The following LRMDA variants were observed in gnomAD, a reference collection of about 807,000 sequenced individuals.
The protein encoded by LRMDA is leucine rich melanocyte differentiation associated, also known as leucine-rich melanocyte differentiation-associated protein.
Under a neutral mutation model 29.8 loss-of-function variants are expected in LRMDA, and 18 were observed. That is an observed-to-expected ratio of 0.60 (90% confidence interval 0.42 to 0.90). The LOEUF is 0.90. Ranked by LOEUF, LRMDA falls within the 40% of genes least tolerant of loss-of-function variation. LRMDA has a pLI of 0.00. For missense variants in LRMDA, 273 were observed against 273.9 expected, an observed-to-expected ratio of 1.00 and a Z score of 0.02; for synonymous variants, 125 against 109.4, an observed-to-expected ratio of 1.14 and a Z score of -0.89.
chr10:75,512,487 T>G (rs1012320004), intron 2 of LRMDA, among the ~76,000 whole-genome samples: 2 of 152,066 alleles, frequency 1.3e-5, no homozygotes, highest in Non-Finnish European at 2.9e-5. Context: ...AAGTCAAATA[T>G]AGGTTTATTG....
At chr10:75,482,413 C>A (rs1325787375) in intron 2 of LRMDA, among the ~76,000 whole-genome samples, 2 of 152,172 alleles carry the variant, frequency 1.3e-5, no homozygotes, top group Non-Finnish European at 2.9e-5. Context: ...TTTTAAACCA[C>A]TGAATTTTGG....
chr10:75,686,534 T>C (rs1044860943), intron 2 of LRMDA, among the ~76,000 whole-genome samples: 1 of 152,224 alleles, frequency 6.6e-6, no homozygotes, highest in Non-Finnish European at 1.5e-5. Context: ...TTTATTCGAA[T>C]GTGTAGTGCC....
chr10:76,164,250 A>G (rs144245211), intron 5 of LRMDA, among the ~76,000 whole-genome samples: 18 of 152,292 alleles, frequency 1.2e-4, no homozygotes, highest in African/African-American at 3.8e-4. Context: ...TTTGTCAGAT[A>G]TTGAAATGTC....
At chr10:75,750,863 C>T (rs1385629444) in intron 2 of LRMDA, among the ~76,000 whole-genome samples, 3 of 151,764 alleles carry the variant, frequency 2.0e-5, no homozygotes, top group Non-Finnish European at 4.4e-5. Flanking sequence ...CTCCTCACAT[C>T]CCAGATGATG....
chr10:75,540,078 CAG>C (rs1284827303), intron 2 of LRMDA, among the ~76,000 whole-genome samples: 1 of 152,012 alleles, frequency 6.6e-6, no homozygotes, highest in Non-Finnish European at 1.5e-5. Flanking sequence ...GAAATAATAA[CAG>C]ATAATAAAAT....
At chr10:76,350,829 C>T (rs1000450422) in intron 6 of LRMDA, among the ~76,000 whole-genome samples, 2 of 152,080 alleles carry the variant, frequency 1.3e-5, no homozygotes, top group Admixed American at 1.3e-4. Flanking sequence ...GTCATGATTA[C>T]AAGGCTTGGA....
At chr10:76,127,365 C>T (rs113785980) in intron 5 of LRMDA, among the ~76,000 whole-genome samples, 1,857 of 152,316 alleles carry the variant, frequency 0.012, 43 homozygotes, top group African/African-American at 0.042. Context: ...TATTCACCCA[C>T]GCCAGCCATC....
At chr10:76,549,884 G>A (rs1021943561) in intron 6 of LRMDA, among the ~76,000 whole-genome samples, 1 of 152,150 alleles carries the variant, frequency 6.6e-6, no homozygotes, top group Non-Finnish European at 1.5e-5. Context: ...AAATTGAAAT[G>A]AGCTAAAACT....
At chr10:76,466,900 G>A (rs1323694314) in intron 6 of LRMDA, among the ~76,000 whole-genome samples, 2 of 152,192 alleles carry the variant, frequency 1.3e-5, no homozygotes, top group Admixed American at 6.5e-5. Context: ...CAGCACATAC[G>A]AAAAAGTCTC....
At chr10:75,598,401 C>T (rs1414321088) in intron 2 of LRMDA, among the ~76,000 whole-genome samples, 1 of 152,142 alleles carries the variant, frequency 6.6e-6, no homozygotes, top group East Asian at 1.9e-4. Flanking sequence ...AGAGAGTCGT[C>T]GTGTCCCTAG....
chr10:75,867,914 T>C (rs1247752448), intron 2 of LRMDA, among the ~76,000 whole-genome samples: 2 of 152,204 alleles, frequency 1.3e-5, no homozygotes, highest in African/African-American at 2.4e-5. Flanking sequence ...CAGTCCATTG[T>C]AAATGAATGG....
At chr10:75,911,347 C>T (rs907317601) in intron 2 of LRMDA, among the ~76,000 whole-genome samples, 1 of 152,090 alleles carries the variant, frequency 6.6e-6, no homozygotes, top group African/African-American at 2.4e-5. Flanking sequence ...GGGGGGAGCA[C>T]AGAAGATCCC....
At chr10:75,984,386 T>C (rs897307933) in intron 2 of LRMDA, among the ~76,000 whole-genome samples, 2 of 152,070 alleles carry the variant, frequency 1.3e-5, no homozygotes, top group South Asian at 2.1e-4. Flanking sequence ...GAAGGAACAG[T>C]CAAGGCCATG....
chr10:75,879,696 A>T (rs1000817094), intron 2 of LRMDA, among the ~76,000 whole-genome samples: 2 of 152,176 alleles, frequency 1.3e-5, no homozygotes, highest in Non-Finnish European at 2.9e-5. Context: ...ATGAAAAGCC[A>T]TTGAGGTTGG....
At chr10:76,293,177 T>C (rs988868709) in intron 5 of LRMDA, among the ~76,000 whole-genome samples, 3 of 152,176 alleles carry the variant, frequency 2.0e-5, no homozygotes, top group African/African-American at 7.2e-5. Flanking sequence ...GTCATTGTTT[T>C]GCCATGTTGG....
rs1014714640 is a variant in LRMDA, at chr10:75,983,351, T to C, written c.132-52657T>C. Among the ~76,000 whole-genome samples the C allele has an allele frequency of 1.4e-4, 22 of 152,230 alleles. 1 individual carries two copies. Among genetic ancestry groups the C allele is most frequent in the Admixed American group, 1.4e-3 (21 of 15,288 alleles). Reference sequence around the variant, plus strand: ...TTCTCATTTACTGCATTGCTGTATATCTTTCCATCTCTTCTCTCGAAACAT... The same window carrying C: ...TTCTCATTTACTGCATTGCTGTATACCTTTCCATCTCTTCTCTCGAAACAT... On this transcript the variant is annotated intron_variant, in intron 2 of 6. Coordinates refer to ENST00000611255, the MANE Select transcript of LRMDA (RefSeq NM_001305581.2).
At chr10:75,445,904 T>C (rs1462315604) in intron 2 of LRMDA, among the ~76,000 whole-genome samples, 2 of 152,250 alleles carry the variant, frequency 1.3e-5, no homozygotes, top group African/African-American at 4.8e-5. Flanking sequence ...GATAAATGCA[T>C]GGGCTGGAGA....
intron 6 of LRMDA, among the ~76,000 whole-genome samples, chr10:76,381,305 A>C (rs545390587): frequency 1.3e-4 from 20 of 152,276 alleles, no homozygotes; most frequent in African/African-American, 4.8e-4. Flanking sequence ...CATTTACTTT[A>C]AAATGTAATT....
rs114866297 is a variant in LRMDA at position 75,516,610 on chromosome 10, A to G, written c.131+78116A>G. Among the ~76,000 whole-genome samples the G allele has an allele frequency of 3.0e-3, 450 of 152,182 alleles. 6 individuals carry two copies. The highest frequency in any genetic ancestry group is 0.01 in the African/African-American group (422 of 41,496). ...AGGTTCTGGATATTAGCCCATTGTCAGATTGGTAGATTGCAGAAATTTTCT... is the reference window on the plus strand; with the variant it reads ...AGGTTCTGGATATTAGCCCATTGTCGGATTGGTAGATTGCAGAAATTTTCT... On this transcript the variant is annotated intron_variant, in intron 2 of 6. Transcript: ENST00000611255.
Sources: allele counts gnomAD v4.1 joint callset (sites outside exome capture counted in the v4.1 genomes callset), GRCh38; gene constraint gnomAD v4.1.1; transcripts MANE v1.5; gene names NCBI Gene and HGNC (gene_info 2026-07-23, HGNC 2026-07-21).